The following CADM2 variants were observed in gnomAD, a reference collection of about 807,000 sequenced individuals.
CADM2 encodes the protein immunoglobulin superfamily member 4D.
A neutral mutation model predicts 49.8 loss-of-function variants in CADM2; 12 were observed. The ratio of observed to expected loss-of-function variants is 0.24; its 90% CI spans 0.15 to 0.39. CADM2 has a LOEUF of 0.39. CADM2 is among the 10% of genes least tolerant of loss of function. The pLI is 1.00. For synonymous variants in CADM2, 214 were observed against 175.4 expected, an observed-to-expected ratio of 1.22 and a Z score of -1.74; for missense variants, 378 against 492.3, an observed-to-expected ratio of 0.77 and a Z score of 2.20.
chr3:85,052,645 C>A (rs73843272), intron 1 of CADM2, among the ~76,000 whole-genome samples: 6,526 of 152,094 alleles, frequency 0.043, 167 homozygotes, highest in African/African-American at 0.045. Context: ...ACAGAGAAGT[C>A]ATTTTTATAA....
intron 5 of CADM2, among the ~76,000 whole-genome samples, chr3:85,909,785 A>T (rs1717314387): frequency 6.6e-6 from 1 of 152,214 alleles, no homozygotes. Flanking sequence ...ATACAATGTA[A>T]AGAAAATTTC....
intron 1 of CADM2, among the ~76,000 whole-genome samples, chr3:85,690,743 T>C (rs755678165): frequency 2.0e-5 from 3 of 152,206 alleles, no homozygotes; most frequent in Admixed American, 6.5e-5. Flanking sequence ...TTCTCTTTTT[T>C]AGAAAAGACC....
intron 2 of CADM2, among the ~76,000 whole-genome samples, chr3:85,771,650 T>C (rs554413920): frequency 3.3e-5 from 5 of 152,182 alleles, no homozygotes; most frequent in African/African-American, 1.2e-4. Flanking sequence ...AAGGAATTTC[T>C]AAAAGGGTCT....
chr3:85,767,910 T>C (rs752284423), intron 2 of CADM2, among the ~76,000 whole-genome samples: 5 of 152,180 alleles, frequency 3.3e-5, no homozygotes, highest in Non-Finnish European at 5.9e-5. Flanking sequence ...CTTACGTATG[T>C]ATCTAACCTT....
chr3:85,562,470 C>T (rs981584860), intron 1 of CADM2, among the ~76,000 whole-genome samples: 1 of 85,776 alleles, frequency 1.2e-5, no homozygotes, highest in African/African-American at 4.4e-5. Context: ...AAGAGAGAAA[C>T]TCCATCTCAA....
Position 85,389,918 on chromosome 3 carries a change from A to C in CADM2, c.62-336604A>C, listed in dbSNP as rs551713344. ...ATTTTCTGAAGAGAATTGTTGATAA[A>C]AGGGCAAGTAAATGTTAAAAATGTA... is the stretch of plus-strand genomic sequence containing the variant. On this transcript the variant is annotated intron_variant, in intron 1 of 9. Coordinates refer to ENST00000383699, the MANE Select transcript of CADM2 (RefSeq NM_001167675.2). Among the ~76,000 whole-genome samples, 58 of 152,190 alleles carry C rather than the reference A, an allele frequency of 3.8e-4. 1 individual carries two copies. Among genetic ancestry groups the C allele is most frequent in the Middle Eastern group, 6.8e-3 (2 of 294 alleles).
At chr3:85,154,959 C>A (rs2040056485) in intron 1 of CADM2, among the ~76,000 whole-genome samples, 2 of 151,846 alleles carry the variant, frequency 1.3e-5, no homozygotes, top group Admixed American at 6.6e-5. Flanking sequence ...TGGAAAGGAA[C>A]AACCGGTACC....
chr3:85,300,204 A>T (rs1046739550), intron 1 of CADM2, among the ~76,000 whole-genome samples: 3 of 152,064 alleles, frequency 2.0e-5, no homozygotes, highest in African/African-American at 7.2e-5. Flanking sequence ...GCACTATGCC[A>T]GTGGTTTCCA....
intron 1 of CADM2, among the ~76,000 whole-genome samples, chr3:85,710,963 T>G (rs1195600608): frequency 2.0e-5 from 3 of 152,122 alleles, no homozygotes; most frequent in Non-Finnish European, 4.4e-5. Flanking sequence ...AGGCTTAACA[T>G]AGATTCAAAT....
intron 1 of CADM2, among the ~76,000 whole-genome samples, chr3:85,285,238 A>G (rs535248245): frequency 6.6e-6 from 1 of 152,272 alleles, no homozygotes; most frequent in South Asian, 2.1e-4. Flanking sequence ...TCTGGAGTTC[A>G]GAGGCAAATT....
chr3:85,367,998 TA>T (rs2107306291), intron 1 of CADM2, among the ~76,000 whole-genome samples: 1 of 152,192 alleles, frequency 6.6e-6, no homozygotes, highest in Admixed American at 6.5e-5. Flanking sequence ...GGGGGATGTT[TA>T]GACTACAACG....
intron 1 of CADM2, among the ~76,000 whole-genome samples, chr3:85,428,155 T>C (rs1160836892): frequency 6.6e-6 from 1 of 151,384 alleles, no homozygotes; most frequent in East Asian, 1.9e-4. Flanking sequence ...ACATGAATTA[T>C]AGAATTCATA....
At chr3:85,120,962 A>T (rs182018463) in intron 1 of CADM2, among the ~76,000 whole-genome samples, 2 of 152,208 alleles carry the variant, frequency 1.3e-5, no homozygotes, top group Non-Finnish European at 2.9e-5. Flanking sequence ...CAAAAGTGAT[A>T]TTTCCATGAA....
At chr3:85,965,183 T>C (rs1725317239) in intron 8 of CADM2, among the ~76,000 whole-genome samples, 1 of 150,864 alleles carries the variant, frequency 6.6e-6, no homozygotes, top group Non-Finnish European at 1.5e-5. Context: ...GGTCATACAA[T>C]GTGGCAGATG....
intron 1 of CADM2, among the ~76,000 whole-genome samples, chr3:85,360,690 A>G (rs1233124611): frequency 6.6e-6 from 1 of 152,050 alleles, no homozygotes; most frequent in Non-Finnish European, 1.5e-5. Context: ...TTTGCCTCCT[A>G]ATTTTTCACG....
At chr3:84,973,352 A>AT (rs1020745683) in intron 1 of CADM2, among the ~76,000 whole-genome samples, 95 of 150,314 alleles carry the variant, frequency 6.3e-4, no homozygotes, top group Middle Eastern at 3.4e-3. Context: ...GGCTTTTAAC[A>AT]TTTTTTTTTT....
At chr3:85,334,966 A>G (rs1254799898) in intron 1 of CADM2, among the ~76,000 whole-genome samples, 1 of 151,346 alleles carries the variant, frequency 6.6e-6, no homozygotes, top group Admixed American at 6.6e-5. Flanking sequence ...TAGGGCTATG[A>G]AGTTACAAGG....
chr3:85,422,409 C>G (rs2036214381), intron 1 of CADM2, among the ~76,000 whole-genome samples: 1 of 152,070 alleles, frequency 6.6e-6, no homozygotes, highest in African/African-American at 2.4e-5. Flanking sequence ...TCCCGAGTAG[C>G]TGGGACTGCA....
Position 86,008,736 on chromosome 3 carries a change from T to C in CADM2, c.970+47089T>C, listed in dbSNP as rs957355133. ...AGTTCAAAAACTATTTGGTTATGTA[T>C]TTGACACAGATGAATTTTTTATAAT... On this transcript the variant is annotated intron_variant, in intron 8 of 9. Transcript: ENST00000383699. 2.6e-5 allele frequency among the ~76,000 whole-genome samples: 4 copies of C among 152,148 alleles called. No homozygotes were observed. In the South Asian group the frequency reaches 8.3e-4, roughly 32 times the overall value.
Sources: allele counts gnomAD v4.1 joint callset (sites outside exome capture counted in the v4.1 genomes callset), GRCh38; gene constraint gnomAD v4.1.1; transcripts MANE v1.5; gene names NCBI Gene and HGNC (gene_info 2026-07-23, HGNC 2026-07-21).